RPH3A: variants seen among roughly 807,000 people sequenced by gnomAD.
The protein encoded by RPH3A is rabphilin-3A.
In RPH3A, 48 loss-of-function variants were observed where a neutral mutation model predicts 102.2. The observed-to-expected ratio is 0.47, with a 90% CI of 0.37 to 0.60. The LOEUF (loss-of-function observed/expected upper bound fraction) is 0.60, where lower values mean the gene tolerates loss of function less well. Among genes scored for constraint, RPH3A ranks in the 20% least tolerant of loss-of-function variants. RPH3A has a pLI of 0.00. For missense variants in RPH3A, 781 were observed against 910.1 expected (o/e 0.86, Z 1.83); for synonymous variants, 310 against 324.3 (o/e 0.96, Z 0.47).
intron 1 of RPH3A, among the ~76,000 whole-genome samples, chr12:112,670,866 G>T (rs767308963): frequency 6.6e-6 from 1 of 152,252 alleles, no homozygotes; most frequent in African/African-American, 2.4e-5. Context: ...AACAAGACAC[G>T]AGGCCAGCCC....
chr12:112,846,627 C>A (rs1265315229), intron 4 of RPH3A, among the ~76,000 whole-genome samples: 8 of 152,202 alleles, frequency 5.3e-5, no homozygotes, highest in Non-Finnish European at 8.8e-5. Context: ...CCAAGCCTGG[C>A]GGCTAATGGG....
chr12:112,590,704 A>G (rs2039470648), intron 1 of RPH3A, among the ~76,000 whole-genome samples: 1 of 152,242 alleles, frequency 6.6e-6, no homozygotes, highest in African/African-American at 2.4e-5. Context: ...TTCTATGTTT[A>G]AAAATTGAGA....
chr12:112,599,717 T>C (rs2039544669), intron 1 of RPH3A, among the ~76,000 whole-genome samples: 1 of 152,248 alleles, frequency 6.6e-6, no homozygotes, highest in Non-Finnish European at 1.5e-5. Flanking sequence ...TACAACCATG[T>C]AGAAGGCAAA....
At chr12:112,701,253 T>C (rs1391769506) in intron 1 of RPH3A, among the ~76,000 whole-genome samples, 1 of 151,814 alleles carries the variant, frequency 6.6e-6, no homozygotes, top group Non-Finnish European at 1.5e-5. Context: ...GAAAAAGAGG[T>C]CACCTTACTC....
chr12:112,635,489 C>A (rs777185801), intron 1 of RPH3A, among the ~76,000 whole-genome samples: 3 of 151,852 alleles, frequency 2.0e-5, no homozygotes, highest in Non-Finnish European at 2.9e-5. Flanking sequence ...TAGAATAGTG[C>A]CTGATGTACA....
At chr12:112,826,837 G>C (rs1476705135) in intron 2 of RPH3A, among the ~76,000 whole-genome samples, 1 of 152,150 alleles carries the variant, frequency 6.6e-6, no homozygotes, top group Non-Finnish European at 1.5e-5. Context: ...TCTGCTCTCT[G>C]TTGATAGGCA....
intron 1 of RPH3A, among the ~76,000 whole-genome samples, chr12:112,596,330 T>C (rs1344795313): frequency 6.6e-6 from 1 of 152,178 alleles, no homozygotes; most frequent in Non-Finnish European, 1.5e-5. Flanking sequence ...TTTGTCGAGA[T>C]TGGGTCTCAT....
At chr12:112,728,998 T>G (rs1159036251) in intron 1 of RPH3A, among the ~76,000 whole-genome samples, 2 of 152,166 alleles carry the variant, frequency 1.3e-5, no homozygotes, top group African/African-American at 2.4e-5. Context: ...TCAACTGTCA[T>G]GGTGCTAGCG....
At chr12:112,759,751 T>C (rs150824350) in intron 1 of RPH3A, among the ~76,000 whole-genome samples, 1 of 152,246 alleles carries the variant, frequency 6.6e-6, no homozygotes, top group Non-Finnish European at 1.5e-5. Context: ...GCTTCTGGTG[T>C]CTTCCTCAGC....
chr12:112,726,902 A>G (rs1474637099), intron 1 of RPH3A, among the ~76,000 whole-genome samples: 1 of 152,146 alleles, frequency 6.6e-6, no homozygotes, highest in Non-Finnish European at 1.5e-5. Flanking sequence ...GCATGCCTGT[A>G]ATCCCAGCTA....
intron 1 of RPH3A, among the ~76,000 whole-genome samples, chr12:112,578,808 A>G (rs2039376552): frequency 6.6e-6 from 1 of 152,220 alleles, no homozygotes; most frequent in Non-Finnish European, 1.5e-5. Context: ...AGTGGTGGGA[A>G]TATAGTGAGT....
At chr12:112,843,899 ATCT>A (rs2042188985) in intron 4 of RPH3A, among the ~76,000 whole-genome samples, 1 of 152,078 alleles carries the variant, frequency 6.6e-6, no homozygotes, top group Non-Finnish European at 1.5e-5. Context: ...AGGGTAGGTG[ATCT>A]TCATTACACA....
At chr12:112,716,885 G>A (rs927125273) in intron 1 of RPH3A, among the ~76,000 whole-genome samples, 1 of 152,228 alleles carries the variant, frequency 6.6e-6, no homozygotes, top group South Asian at 2.1e-4. Context: ...CATATTCCCT[G>A]TCCTGTAGAA....
At position 112,894,641 on chromosome 12, in the gene RPH3A, G is replaced by A; in HGVS notation, c.1839G>A (p.Leu613=). 6.2e-7 allele frequency: 1 copy of A among 1,613,836 alleles called. No homozygotes were observed. Among genetic ancestry groups the A allele is most frequent in the Non-Finnish European group, 8.5e-7 (1 of 1,179,924 alleles). The change falls in exon 20 of 22, where the codon TTG becomes TTA. Residue 613 remains leucine (L), a synonymous_variant. Transcript: ENST00000389385. ...KHKTQIKKKT[L]NPEFNEEFFY... is the part of the protein sequence containing the mutation. ...AGACTCAAATTAAAAAGAAAACCTT[G>A]AATCCCGAATTCAATGAGGTAAGGC... is the stretch of plus-strand genomic sequence containing the variant.
At chr12:112,671,483 A>G (rs1342514097) in intron 1 of RPH3A, among the ~76,000 whole-genome samples, 2 of 152,238 alleles carry the variant, frequency 1.3e-5, no homozygotes, top group Non-Finnish European at 2.9e-5. Flanking sequence ...ACTGCCCCAG[A>G]AATTGCACAC....
intron 1 of RPH3A, among the ~76,000 whole-genome samples, chr12:112,698,564 T>C (rs2040368590): frequency 6.7e-6 from 1 of 149,004 alleles, no homozygotes; most frequent in East Asian, 2.0e-4. Context: ...TAAATTTGAC[T>C]TTATAAAAAT....
chr12:112,841,909 C>T (rs980885715), intron 4 of RPH3A: 4 of 455,620 alleles, frequency 8.8e-6, no homozygotes, highest in South Asian at 1.6e-5. Context: ...TCTCTCTGTC[C>T]GTCTGTCTCT....
At chr12:112,844,863 C>T (rs749353182) in intron 4 of RPH3A, among the ~76,000 whole-genome samples, 3 of 152,234 alleles carry the variant, frequency 2.0e-5, no homozygotes, top group Non-Finnish European at 4.4e-5. Context: ...ACTCATGCAG[C>T]TGCAGACATG....
chr12:112,583,612 T>G (rs1032397018), intron 1 of RPH3A, among the ~76,000 whole-genome samples: 3 of 152,210 alleles, frequency 2.0e-5, no homozygotes, highest in Admixed American at 1.3e-4. Context: ...TGCGTTCCTC[T>G]TCTAGCCTTA....
Sources: gnomAD v4.1 joint callset for allele counts (sites outside exome capture counted in the v4.1 genomes callset) on GRCh38, gnomAD v4.1.1 for gene constraint, MANE v1.5 for transcripts, NCBI Gene and HGNC (gene_info 2026-07-23, HGNC 2026-07-21) for gene names.